Variants in KLRD1 observed in about 807,000 individuals in gnomAD.
The protein encoded by KLRD1 is natural killer cells antigen CD94.
A neutral mutation model predicts 22.6 loss-of-function variants in KLRD1; 21 were observed. That is an observed-to-expected ratio of 0.93 (90% CI 0.66 to 1.34). The LOEUF (loss-of-function observed/expected upper bound fraction) is 1.34. Among genes scored for constraint, KLRD1 ranks in the 40% most tolerant of loss-of-function variants. KLRD1 has a pLI of 0.00. For missense variants in KLRD1, 183 were observed against 208.6 expected (o/e 0.88, Z 0.76); for synonymous variants, 59 against 71.1 (o/e 0.83, Z 0.85).
At chr12:10,310,554 C>G (rs1950039074) in intron 3 of KLRD1, among the ~76,000 whole-genome samples, 2 of 152,186 alleles carry the variant, frequency 1.3e-5, no homozygotes, top group Non-Finnish European at 2.9e-5. Context: ...AATCCCAGCT[C>G]TTTGGGAGGC....
intron 1 of KLRD1, among the ~76,000 whole-genome samples, chr12:10,277,913 C>G (rs1949606431): frequency 6.6e-6 from 1 of 152,146 alleles, no homozygotes. Context: ...ATCTGTGATT[C>G]CTTTCAGGTT....
chr12:10,275,711 C>A (rs762449298), intron 1 of KLRD1, among the ~76,000 whole-genome samples: 7 of 152,154 alleles, frequency 4.6e-5, no homozygotes, highest in Non-Finnish European at 1.0e-4. Flanking sequence ...ATATGCAAAA[C>A]TGCGTTTGTA....
upstream of KLRD1, among the ~76,000 whole-genome samples, chr12:10,302,995 TATC>T (rs1207166445): frequency 1.3e-5 from 2 of 152,228 alleles, no homozygotes; most frequent in Non-Finnish European, 2.9e-5. Context: ...GAAGAGCTAT[TATC>T]ATGCTTGCCT....
upstream of KLRD1, among the ~76,000 whole-genome samples, chr12:10,305,098 A>G (rs1949903113): frequency 6.6e-6 from 1 of 152,192 alleles, no homozygotes; most frequent in Admixed American, 6.5e-5. Context: ...TTCACTGTTT[A>G]TATGTTAAGT....
rs555521781 is a variant in KLRD1 at position 10,329,395 on chromosome 12, T to C, written c.*14602T>C. 2.0e-5 allele frequency: 3 copies of C among 152,348 alleles called. No individual in the cohort carries two copies. The highest frequency in any genetic ancestry group is 4.4e-5 in the Non-Finnish European group (3 of 68,034). 9.4% of individuals were successfully genotyped at this position (152,348 alleles called of 1,614,324 possible). A position where few individuals can be genotyped will look rare whatever the true frequency, so the allele number is the denominator to read the frequency against. ...GATATGACTTCAATTTTCTTAATTT[T>C]CTTAAGACTTCTTTTATGACCTAAC... On this transcript the variant is annotated 3_prime_UTR_variant, in exon 6 of 6. Coordinates refer to ENST00000336164, the MANE Select transcript of KLRD1 (RefSeq NM_002262.5).
At chr12:10,262,379 C>G (rs1024161911) in intron 1 of KLRD1, among the ~76,000 whole-genome samples, 1 of 151,934 alleles carries the variant, frequency 6.6e-6, no homozygotes, top group Non-Finnish European at 1.5e-5. Context: ...TAACTTTGTC[C>G]CCTACAGTCA....
chr12:10,256,650 T>C (rs931534420), intron 1 of KLRD1, among the ~76,000 whole-genome samples: 2 of 151,990 alleles, frequency 1.3e-5, no homozygotes, highest in Non-Finnish European at 2.9e-5. Flanking sequence ...CATCTGTATT[T>C]ATTTTGTAAC....
chr12:10,317,569 CT>C lies in KLRD1; in HGVS notation c.*2780del, dbSNP rs1283744217. The C allele has an allele frequency of 1.3e-5, 2 of 152,230 alleles. No individual in the cohort carries two copies. The highest frequency in any genetic ancestry group is 1.3e-4 in the Admixed American group (2 of 15,272). The allele number at this position is 152,230 out of a possible 1,614,324, so 9.4% of individuals were successfully genotyped here. A position where few individuals can be genotyped will look rare whatever the true frequency, so the allele number is the denominator to read the frequency against. Reference sequence around the variant, plus strand: ...CAAGCCTTTGTTTCTTTGCAGTCAGCTTTTCTTCTGCTGATGCTGCCTGTTG... The same window carrying C: ...CAAGCCTTTGTTTCTTTGCAGTCAGCTTTCTTCTGCTGATGCTGCCTGTTG... On this transcript the variant is annotated 3_prime_UTR_variant, in exon 6 of 6. Transcript: ENST00000336164.
At chr12:10,240,151 C>T (rs1949227305) in intron 1 of KLRD1, among the ~76,000 whole-genome samples, 1 of 151,908 alleles carries the variant, frequency 6.6e-6, no homozygotes, top group African/African-American at 2.4e-5. Flanking sequence ...GCCTCAACCT[C>T]CCAGGCTCAA....
chr12:10,274,338 A>C (rs1334800800), intron 1 of KLRD1, among the ~76,000 whole-genome samples: 2 of 152,214 alleles, frequency 1.3e-5, no homozygotes, highest in Non-Finnish European at 2.9e-5. Context: ...TCTAGTAGAT[A>C]AGGATGTGAA....
intron 1 of KLRD1, among the ~76,000 whole-genome samples, chr12:10,240,945 T>A (rs1472773329): frequency 6.6e-6 from 1 of 152,170 alleles, no homozygotes; most frequent in African/African-American, 2.4e-5. Context: ...CCGTATGTAG[T>A]TCAACATCTT....
chr12:10,302,272 T>C (rs1192324559), upstream of KLRD1, among the ~76,000 whole-genome samples: 1 of 152,112 alleles, frequency 6.6e-6, no homozygotes, highest in Non-Finnish European at 1.5e-5. Context: ...ATAAAGTAGG[T>C]TGCAATAAAA....
intron 1 of KLRD1, among the ~76,000 whole-genome samples, chr12:10,278,614 A>G (rs1026126257): frequency 1.3e-5 from 2 of 152,200 alleles, no homozygotes; most frequent in Non-Finnish European, 2.9e-5. Context: ...TGTATGCTAT[A>G]TAAGCTGTGT....
intron 1 of KLRD1, among the ~76,000 whole-genome samples, chr12:10,245,354 T>C (rs1592019416): frequency 6.6e-6 from 1 of 152,036 alleles, no homozygotes; most frequent in East Asian, 1.9e-4. Context: ...CAAGACTCCA[T>C]CTCAAAAACA....
At chr12:10,249,072 ATAAAC>A (rs1186734323) in intron 1 of KLRD1, among the ~76,000 whole-genome samples, 8 of 152,066 alleles carry the variant, frequency 5.3e-5, no homozygotes, top group African/African-American at 1.7e-4. Flanking sequence ...CTCACATACA[ATAAAC>A]TATATACGAC....
rs1195794907 is a variant in KLRD1, at chr12:10,323,803, A to G, written c.*9010A>G. ...TTCATTCAGCATCATAATAGTTTTTATACTCATCTATGTTGATACATGTAT... is the reference window on the plus strand; with the variant it reads ...TTCATTCAGCATCATAATAGTTTTTGTACTCATCTATGTTGATACATGTAT... On this transcript the variant is annotated 3_prime_UTR_variant, in exon 6 of 6. Transcript: ENST00000336164. 1 of 149,668 alleles carries G rather than the reference A, an allele frequency of 6.7e-6. No homozygotes were observed. The highest frequency in any genetic ancestry group is 1.5e-5 in the Non-Finnish European group (1 of 67,524). 9.3% of individuals were successfully genotyped at this position (149,668 alleles called of 1,614,324 possible).
At chr12:10,293,765 C>T (rs913296056) in intron 1 of KLRD1, among the ~76,000 whole-genome samples, 1 of 152,064 alleles carries the variant, frequency 6.6e-6, no homozygotes, top group African/African-American at 2.4e-5. Context: ...TAAAAAATGC[C>T]ACACCTGTGA....
At chr12:10,253,110 T>C (rs1210666348) in intron 1 of KLRD1, among the ~76,000 whole-genome samples, 1 of 152,192 alleles carries the variant, frequency 6.6e-6, no homozygotes, top group African/African-American at 2.4e-5. Flanking sequence ...GATTTTCTTA[T>C]GTTTCTTTTG....
chr12:10,294,085 G>A (rs1020388458), intron 1 of KLRD1, among the ~76,000 whole-genome samples: 1 of 152,142 alleles, frequency 6.6e-6, no homozygotes, highest in African/African-American at 2.4e-5. Context: ...GATGGTGGAT[G>A]TGCTGTTTCC....
Sources: allele counts gnomAD v4.1 joint callset (sites outside exome capture counted in the v4.1 genomes callset), GRCh38; gene constraint gnomAD v4.1.1; transcripts MANE v1.5; gene names NCBI Gene and HGNC (gene_info 2026-07-23, HGNC 2026-07-21).